The following PWWP2B variants were observed in gnomAD, a reference collection of about 807,000 sequenced individuals.
PWWP2B encodes the protein PWWP domain containing 2B.
Under a neutral mutation model 15.5 loss-of-function variants are expected in PWWP2B, and 9 were observed. The ratio of observed to expected loss-of-function variants is 0.58; its 90% CI spans 0.35 to 1.02. The LOEUF (loss-of-function observed/expected upper bound fraction) is 1.02, where lower values mean the gene tolerates loss of function less well. PWWP2B is among the 50% of genes least tolerant of loss of function. PWWP2B has a pLI of 0.02. For missense variants in PWWP2B, 864 were observed against 865.3 expected (o/e 1.00, Z 0.02); for synonymous variants, 474 against 403.6 (o/e 1.17, Z -2.09).
intron 1 of PWWP2B, among the ~76,000 whole-genome samples, chr10:132,397,834 T>C (rs936820432): frequency 1.3e-4 from 20 of 152,134 alleles, no homozygotes; most frequent in African/African-American, 4.3e-4. Context: ...GGGAGAGCAG[T>C]TGCGCCCAGC....
chr10:132,404,897 C>A lies in PWWP2B; in HGVS notation c.397C>A (p.Arg133=), dbSNP rs776133639. The change falls in exon 2 of 3, where the codon CGG becomes AGG. Residue 133 remains arginine (R), a synonymous_variant. Coordinates refer to ENST00000305233, the MANE Select transcript of PWWP2B (RefSeq NM_138499.4). ...GAPFPHPLWL[R]DTYKLWVPQP... is the part of the protein sequence containing the mutation. ...CCCCTTCCCTCACCCGCTGTGGCTC[C>A]GGGACACGTACAAGCTGTGGGTGCC... is the stretch of plus-strand genomic sequence containing the variant. 6.3e-7 allele frequency: 1 copy of A among 1,595,274 alleles called. No individual in the cohort carries two copies. The highest frequency in any genetic ancestry group is 8.5e-7 in the Non-Finnish European group (1 of 1,178,312).
In PWWP2B at chr10:132,406,331, A is replaced by G; in HGVS notation, c.*16+42A>G. The G allele has an allele frequency of 2.7e-6, 4 of 1,501,656 alleles. No homozygotes were observed. In the South Asian group the frequency reaches 5.0e-5, roughly 19 times the overall value. The allele number at this position is 1,501,656 out of a possible 1,614,324, so 93.0% of individuals were successfully genotyped here. A position where few individuals can be genotyped will look rare whatever the true frequency, so the allele number is the denominator to read the frequency against. On this transcript the variant is annotated intron_variant, in intron 2 of 2. Transcript: ENST00000305233. ...CAGCCTCCTTCCCCCCAGCGGCCCA[A>G]GCTCACACCTGTGTCCAGGCCATGC...
Position 132,405,347 on chromosome 10 carries a change from C to T in PWWP2B, c.847C>T (p.Gln283Ter). 6.2e-7 allele frequency: 1 copy of T among 1,611,648 alleles called. No homozygotes were observed. Among genetic ancestry groups the T allele is most frequent in the Non-Finnish European group, 8.5e-7 (1 of 1,179,324 alleles). The change falls in exon 2 of 3, where the codon CAG (glutamine) becomes TAG (stop). Residue 283 changes from glutamine (Q) to a stop codon, truncating the protein, a stop_gained. Transcript: ENST00000305233. LOFTEE classifies it high-confidence loss of function. ...CGGCTCTCTGGAGCCCTTCCGTCCCCAGCAGGCCCCGCAGGACGACGGCAG... is the reference window on the plus strand; with the variant it reads ...CGGCTCTCTGGAGCCCTTCCGTCCCTAGCAGGCCCCGCAGGACGACGGCAG... Reference protein sequence around the residue: ...VHGSLEPFRPQQAPQDDGSQD... With the variant: ...VHGSLEPFRP
rs115581378 is a variant in PWWP2B, at chr10:132,416,716, C to T, written c.*17-345C>T. On this transcript the variant is annotated intron_variant, in intron 2 of 2. Coordinates refer to ENST00000305233, the MANE Select transcript of PWWP2B (RefSeq NM_138499.4). ...CCGGAGTCATGTATGGGGGTCCTTC[C>T]ACACCATGAGCCCGGCACAGGCATG... Among the ~76,000 whole-genome samples the T allele has an allele frequency of 1.6e-3, 241 of 152,252 alleles. 1 individual carries two copies. Among genetic ancestry groups the T allele is most frequent in the African/African-American group, 5.6e-3 (231 of 41,558 alleles).
intron 2 of PWWP2B, among the ~76,000 whole-genome samples, chr10:132,412,475 G>A (rs532446528): frequency 6.6e-6 from 1 of 152,256 alleles, no homozygotes; most frequent in East Asian, 1.9e-4. Context: ...ACCCCTTCAG[G>A]GGCCGTGGGA....
Position 132,404,658 on chromosome 10 carries a change from C to T in PWWP2B, c.158C>T (p.Pro53Leu), listed in dbSNP as rs536666193. ...SGLFGLPPLA[P>L]LPQVDESPVN... ...CTCTTTGGCCTACCCCCGTTGGCTC[C>T]GCTGCCCCAGGTCGATGAGTCCCCT... Residue 53 changes from proline (P) to leucine (L), a missense_variant, in exon 2 of 3, where the codon CCG (proline) becomes CTG (leucine). Pro to Leu is a moderately conservative substitution (Grantham distance 98, BLOSUM62 -3). Around this residue, in one of 2 missense-constraint regions of PWWP2B, gnomAD observed 736 missense variants for 687.7 expected, o/e 1.07. Coordinates refer to ENST00000305233, the MANE Select transcript of PWWP2B (RefSeq NM_138499.4). 26 of 1,612,932 alleles carry T rather than the reference C, an allele frequency of 1.6e-5. No individual in the cohort carries two copies. In the South Asian group the frequency reaches 1.6e-4, roughly 10 times the overall value.
chr10:132,398,026 CG>C (rs2133142129), intron 1 of PWWP2B, among the ~76,000 whole-genome samples: 2 of 152,316 alleles, frequency 1.3e-5, no homozygotes, highest in Non-Finnish European at 2.9e-5. Context: ...GGGACCCATG[CG>C]GTGCAGATGA....
intron 2 of PWWP2B, among the ~76,000 whole-genome samples, chr10:132,415,178 T>G (rs750331510): frequency 9.2e-5 from 14 of 152,054 alleles, no homozygotes; most frequent in Non-Finnish European, 1.9e-4. Flanking sequence ...GGCTGAGATC[T>G]CTCCTGTTCA....
intron 1 of PWWP2B, among the ~76,000 whole-genome samples, chr10:132,402,606 T>C (rs1330504495): frequency 6.6e-6 from 1 of 152,218 alleles, no homozygotes; most frequent in Non-Finnish European, 1.5e-5. Flanking sequence ...CTGTATTAAA[T>C]GCTCACAAGG....
intron 2 of PWWP2B, among the ~76,000 whole-genome samples, chr10:132,415,886 T>G (rs1317844983): frequency 2.0e-5 from 3 of 152,156 alleles, no homozygotes; most frequent in Admixed American, 2.0e-4. Flanking sequence ...TCAAATTGTT[T>G]ACAGTGTTGT....
At chr10:132,407,704 C>G (rs921260276) in intron 2 of PWWP2B, among the ~76,000 whole-genome samples, 4 of 152,312 alleles carry the variant, frequency 2.6e-5, no homozygotes, top group Middle Eastern at 3.4e-3. Flanking sequence ...GGCTGCTCCC[C>G]CCGCCCCAGG....
chr10:132,410,729 G>A (rs2069767820), intron 2 of PWWP2B, among the ~76,000 whole-genome samples: 1 of 152,198 alleles, frequency 6.6e-6, no homozygotes, highest in Non-Finnish European at 1.5e-5. Context: ...CACCTCCTGT[G>A]CTTCCCTGTC....
intron 2 of PWWP2B, among the ~76,000 whole-genome samples, chr10:132,416,035 C>T (rs1364876935): frequency 6.6e-6 from 1 of 152,238 alleles, no homozygotes; most frequent in African/African-American, 2.4e-5. Context: ...GGCTTCCTCA[C>T]GGCATGGTGG....
At chr10:132,415,974 TCACACGG>T (rs2069849014) in intron 2 of PWWP2B, among the ~76,000 whole-genome samples, 1 of 152,214 alleles carries the variant, frequency 6.6e-6, no homozygotes, top group African/African-American at 2.4e-5. Context: ...CCTCACACTC[TCACACGG>T]CACACGCCTG....
At chr10:132,400,105 C>T (rs2069596268) in intron 1 of PWWP2B, among the ~76,000 whole-genome samples, 1 of 152,186 alleles carries the variant, frequency 6.6e-6, no homozygotes, top group South Asian at 2.1e-4. Context: ...GTGGAGGCTG[C>T]ACTGCTGGGG....
intron 1 of PWWP2B, among the ~76,000 whole-genome samples, chr10:132,402,467 A>G (rs1270540923): frequency 1.3e-5 from 2 of 152,248 alleles, no homozygotes; most frequent in African/African-American, 4.8e-5. Flanking sequence ...AAGGGGCCGT[A>G]AGCATGCTGG....
At chr10:132,414,462 C>T (rs939810668) in intron 2 of PWWP2B, among the ~76,000 whole-genome samples, 3 of 152,164 alleles carry the variant, frequency 2.0e-5, no homozygotes, top group Admixed American at 6.5e-5. Flanking sequence ...CCACTTGTGC[C>T]ACAGCACCAG....
At chr10:132,408,509 A>T (rs1411924698) in intron 2 of PWWP2B, among the ~76,000 whole-genome samples, 1 of 152,016 alleles carries the variant, frequency 6.6e-6, no homozygotes, top group Middle Eastern at 3.2e-3. Context: ...CGGGAGGAGG[A>T]GGCTGGTGTG....
At chr10:132,404,514 G>T in intron 1 of PWWP2B, 112 bp from the exon 2 acceptor site, 2 of 890,444 alleles carry the variant, frequency 2.2e-6, no homozygotes, top group Non-Finnish European at 3.6e-6. Context: ...GGCATGGCTC[G>T]CTGCCCAGAC....
Sources: allele counts gnomAD v4.1 joint callset (sites outside exome capture counted in the v4.1 genomes callset), GRCh38; gene constraint gnomAD v4.1.1; regional missense constraint gnomAD v4.1.1; transcripts MANE v1.5; gene names NCBI Gene and HGNC (gene_info 2026-07-23, HGNC 2026-07-21).